SLC22A11: variants seen among roughly 807,000 people sequenced by gnomAD.
The protein encoded by SLC22A11 is organic anion transporter 4.
SLC22A11 carries 42 observed loss-of-function variants against 49.4 expected under a neutral mutation model. The ratio of observed to expected loss-of-function variants is 0.85; its 90% CI spans 0.66 to 1.10. The LOEUF (loss-of-function observed/expected upper bound fraction) is 1.10, where lower values mean the gene tolerates loss of function less well. SLC22A11 is among the 50% of genes least tolerant of loss of function. The pLI is 0.00. For synonymous variants in SLC22A11, 304 were observed against 315.8 expected (o/e 0.96, Z 0.40); for missense variants, 685 against 731.6 (o/e 0.94, Z 0.74).
At position 64,562,114 on chromosome 11, in the gene SLC22A11, C is replaced by A. The variant is rs2038555169; in HGVS notation, c.608C>A (p.Ala203Asp). The change falls in exon 3 of 10, where the codon GCC (alanine) becomes GAC (aspartate). Residue 203 changes from alanine to aspartate, a missense_variant. Ala to Asp is a moderately radical substitution (Grantham distance 126). Transcript: ENST00000301891. This position sits in a 1 kb window ranked among gnomAD's most constrained non-coding sequence, Gnocchi z 4.4. ...FVIYCGLRFVAAFGMAGIFLS... is the reference protein window; with the variant it reads ...FVIYCGLRFVDAFGMAGIFLS... Reference sequence around the variant, plus strand: ...ATCTACTGCGGCCTGCGGTTCGTGGCCGCTTTTGGGATGGCCGGCATCTTT... The same window carrying A: ...ATCTACTGCGGCCTGCGGTTCGTGGACGCTTTTGGGATGGCCGGCATCTTT... 6.2e-7 allele frequency: 1 copy of A among 1,613,772 alleles called. No homozygotes were observed.
At position 64,565,557 on chromosome 11, in the gene SLC22A11, C is replaced by A; in HGVS notation, c.1058+220C>A. ...GGTGGGATCTGGAGGCTGCCATCTG[C>A]AGGAAGCCAGAGGAAAAGGCAGCTC... On this transcript the variant is annotated intron_variant, in intron 6 of 9. Transcript: ENST00000301891. The surrounding 1 kb of genome is among the most constrained non-coding windows in gnomAD (Gnocchi z 4.1). 1.6e-6 allele frequency: 1 copy of A among 624,636 alleles called. No individual in the cohort carries two copies. The highest frequency in any genetic ancestry group is 3.0e-6 in the Non-Finnish European group (1 of 335,688). 38.7% of individuals were successfully genotyped at this position (624,636 alleles called of 1,614,324 possible). A position where few individuals can be genotyped will look rare whatever the true frequency, so the allele number is the denominator to read the frequency against.
intron 2 of SLC22A11, among the ~76,000 whole-genome samples, chr11:64,561,058 G>A (rs562051978): frequency 2.0e-5 from 3 of 152,214 alleles, no homozygotes; most frequent in South Asian, 2.1e-4. Flanking sequence ...AGACAGGTGC[G>A]GCCAAGGTCT....
intron 1 of SLC22A11, among the ~76,000 whole-genome samples, 187 bp downstream of exon 1, chr11:64,556,579 C>T (rs924207519): frequency 2.0e-5 from 3 of 152,204 alleles, no homozygotes; most frequent in Non-Finnish European, 4.4e-5. Flanking sequence ...CCAGCCCAGG[C>T]TCCTGGTAGT....
chr11:64,557,396 C>G (rs147313518), intron 1 of SLC22A11, among the ~76,000 whole-genome samples: 3,634 of 152,250 alleles, frequency 0.024, 85 homozygotes, highest in Non-Finnish European at 0.035. Flanking sequence ...CGGCAGCCTC[C>G]TTCAGGCAGA....
intron 1 of SLC22A11, 94 bp downstream of exon 1, chr11:64,556,486 G>A: frequency 1.3e-6 from 2 of 1,519,286 alleles, no homozygotes; most frequent in Non-Finnish European, 1.8e-6. Context: ...GTCCTGGGAG[G>A]GACCCGCCTC....
Position 64,565,301 on chromosome 11 carries a change from T to G in SLC22A11, c.1022T>G (p.Val341Gly). ...GTGCTGGACCTGTTCTGCGTGCCCGTGCTCCGCTGGAGGAGCTGCGCCATG... is the reference window on the plus strand; with the variant it reads ...GTGCTGGACCTGTTCTGCGTGCCCGGGCTCCGCTGGAGGAGCTGCGCCATG... ...RSVLDLFCVP[V>G]LRWRSCAMLV... The change falls in exon 6 of 10, where the codon GTG (valine) becomes GGG (glycine). Residue 341 changes from valine (V) to glycine (G), a missense_variant. By Grantham distance (109) the Val-to-Gly change is moderately radical. Transcript: ENST00000301891. This position sits in a 1 kb window ranked among gnomAD's most constrained non-coding sequence, Gnocchi z 4.1. 1 of 1,550,884 alleles carries G rather than the reference T, an allele frequency of 6.4e-7. No individual in the cohort carries two copies. The highest frequency in any genetic ancestry group is 8.7e-7 in the Non-Finnish European group (1 of 1,147,512).
In SLC22A11 at chr11:64,565,919, C is replaced by T. The variant is rs957244768; in HGVS notation, c.1058+582C>T. 9 of 197,784 alleles carry T rather than the reference C, an allele frequency of 4.6e-5. No homozygotes were observed. Among genetic ancestry groups the T allele is most frequent in the South Asian group, 2.0e-4 (2 of 10,188 alleles). 12.3% of individuals were successfully genotyped at this position (197,784 alleles called of 1,614,324 possible). A position where few individuals can be genotyped will look rare whatever the true frequency, so the allele number is the denominator to read the frequency against. On this transcript the variant is annotated intron_variant, in intron 6 of 9. Transcript: ENST00000301891. The surrounding 1 kb of genome is among the most constrained non-coding windows in gnomAD (Gnocchi z 4.1). Reference sequence around the variant, plus strand: ...CGCGCGACCAGACCCTGGCCCTCCCCGGGACCCAAGGTCATCTGGGCCCAG... The same window carrying T: ...CGCGCGACCAGACCCTGGCCCTCCCTGGGACCCAAGGTCATCTGGGCCCAG...
chr11:64,568,146 C>T (rs1003774173), intron 7 of SLC22A11, among the ~76,000 whole-genome samples: 2 of 152,220 alleles, frequency 1.3e-5, no homozygotes, highest in African/African-American at 4.8e-5. Context: ...AAGCTCTGAG[C>T]GCGAGCAGCT....
rs1238559069 is a variant in SLC22A11 at position 64,569,698 on chromosome 11, A to G, written c.1429A>G (p.Met477Val). 4 of 1,614,156 alleles carry G rather than the reference A, an allele frequency of 2.5e-6. No individual in the cohort carries two copies. The highest frequency in any genetic ancestry group is 3.3e-5 in the Admixed American group (2 of 60,022). Residue 477 changes from methionine (M) to valine (V), a missense_variant, in exon 9 of 10, where the codon ATG becomes GTG. By Grantham distance (21) the Met-to-Val change is conservative. Transcript: ENST00000301891. ...ILHTVGRLGA[M>V]MGPLILMSRQ... ...GCATACAGTGGGCCGGCTGGGGGCT[A>G]TGATGGGTCCCCTGATCCTGATGAG...
In SLC22A11 at chr11:64,565,552, A is replaced by G. The variant is rs1209282628; in HGVS notation, c.1058+215A>G. Reference sequence around the variant, plus strand: ...GCACAGGTGGGATCTGGAGGCTGCCATCTGCAGGAAGCCAGAGGAAAAGGC... The same window carrying G: ...GCACAGGTGGGATCTGGAGGCTGCCGTCTGCAGGAAGCCAGAGGAAAAGGC... On this transcript the variant is annotated intron_variant, in intron 6 of 9. Coordinates refer to ENST00000301891, the MANE Select transcript of SLC22A11 (RefSeq NM_018484.4). The surrounding 1 kb of genome is among the most constrained non-coding windows in gnomAD (Gnocchi z 4.1). 3 of 631,562 alleles carry G rather than the reference A, an allele frequency of 4.8e-6. No individual in the cohort carries two copies. Among genetic ancestry groups the G allele is most frequent in the Admixed American group, 4.2e-5 (2 of 47,606 alleles). The allele number at this position is 631,562 out of a possible 1,614,324, so 39.1% of individuals were successfully genotyped here. A position where few individuals can be genotyped will look rare whatever the true frequency, so the allele number is the denominator to read the frequency against.
chr11:64,562,109 C>A lies in SLC22A11; in HGVS notation c.603C>A (p.Phe201Leu). The A allele has an allele frequency of 6.2e-7, 1 of 1,613,932 alleles. No individual in the cohort carries two copies. The highest frequency in any genetic ancestry group is 8.5e-7 in the Non-Finnish European group (1 of 1,180,030). Reference sequence around the variant, plus strand: ...TCGTCATCTACTGCGGCCTGCGGTTCGTGGCCGCTTTTGGGATGGCCGGCA... The same window carrying A: ...TCGTCATCTACTGCGGCCTGCGGTTAGTGGCCGCTTTTGGGATGGCCGGCA... ...PTFVIYCGLR[F>L]VAAFGMAGIF... Residue 201 changes from phenylalanine to leucine, a missense_variant, in exon 3 of 10, where the codon TTC (phenylalanine) becomes TTA (leucine). Phe to Leu is a conservative substitution (Grantham distance 22). Transcript: ENST00000301891. The surrounding 1 kb of genome is among the most constrained non-coding windows in gnomAD (Gnocchi z 4.4).
chr11:64,564,367 A>C lies in SLC22A11; in HGVS notation c.881A>C (p.Gln294Pro). Residue 294 changes from glutamine to proline, a missense_variant, in exon 5 of 10, where the codon CAG becomes CCG. By Grantham distance (76) the Gln-to-Pro change is moderately conservative. Coordinates refer to ENST00000301891, the MANE Select transcript of SLC22A11 (RefSeq NM_018484.4). This position sits in a 1 kb window ranked among gnomAD's most constrained non-coding sequence, Gnocchi z 4.2. ...IIKGKPDQAL[Q>P]ELRKVARING... ...AAGGGCAAACCAGACCAAGCACTTC[A>C]GGAGCTCAGAAAGGTGGCCAGGATA... is the stretch of plus-strand genomic sequence containing the variant. 1.9e-6 allele frequency: 3 copies of C among 1,614,152 alleles called. No homozygotes were observed. Among genetic ancestry groups the C allele is most frequent in the South Asian group, 2.2e-5 (2 of 91,086 alleles).
rs770430913 is a variant in SLC22A11, at chr11:64,562,249, C to T, written c.653-18C>T. 3.1e-5 allele frequency: 50 copies of T among 1,600,150 alleles called. No individual in the cohort carries two copies. In the Admixed American group the frequency reaches 4.2e-4, roughly 14 times the overall value. ...GCCGCCGCATGAGGCCTCACCTGCACGTGTCTGCATCCTTCAGTGGTGGAG... is the reference window on the plus strand; with the variant it reads ...GCCGCCGCATGAGGCCTCACCTGCATGTGTCTGCATCCTTCAGTGGTGGAG... On this transcript the variant is annotated intron_variant, in intron 3 of 9. Coordinates refer to ENST00000301891, the MANE Select transcript of SLC22A11 (RefSeq NM_018484.4). The surrounding 1 kb of genome is among the most constrained non-coding windows in gnomAD (Gnocchi z 4.4).
At chr11:64,566,378 A>G (rs1216554228) in intron 6 of SLC22A11, 1 of 152,074 alleles carries the variant, frequency 6.6e-6, no homozygotes, top group East Asian at 1.9e-4. Flanking sequence ...TACTTGCTAC[A>G]TCTTAGAACA....
chr11:64,571,935 G>T lies in SLC22A11; in HGVS notation c.*893G>T, dbSNP rs935891806. 1 of 152,302 alleles carries T rather than the reference G, an allele frequency of 6.6e-6. No homozygotes were observed. Among genetic ancestry groups the T allele is most frequent in the Non-Finnish European group, 1.5e-5 (1 of 68,074 alleles). The allele number at this position is 152,302 out of a possible 1,614,324, so 9.4% of individuals were successfully genotyped here. ...TTCTGCGGGAAGGTGTAATCAGCTTGTTTCATCATGCTGCAGGCTGGCGAG... is the reference window on the plus strand; with the variant it reads ...TTCTGCGGGAAGGTGTAATCAGCTTTTTTCATCATGCTGCAGGCTGGCGAG... On this transcript the variant is annotated 3_prime_UTR_variant, in exon 10 of 10. Transcript: ENST00000301891.
chr11:64,562,230 G>A lies in SLC22A11; in HGVS notation c.653-37G>A, dbSNP rs375264929. 1.2e-4 allele frequency: 199 copies of A among 1,599,492 alleles called. No individual in the cohort carries two copies. Among genetic ancestry groups the A allele is most frequent in the East Asian group, 1.8e-4 (8 of 44,556 alleles). On this transcript the variant is annotated intron_variant, in intron 3 of 9. Coordinates refer to ENST00000301891, the MANE Select transcript of SLC22A11 (RefSeq NM_018484.4). The surrounding 1 kb of genome is among the most constrained non-coding windows in gnomAD (Gnocchi z 4.4). ...AGGAGAGAATGGGGCTCAGGCCGCC[G>A]CATGAGGCCTCACCTGCACGTGTCT...
intron 6 of SLC22A11, 80 bp from the exon 7 acceptor site, chr11:64,567,519 C>T (rs1591376524): frequency 1.5e-6 from 2 of 1,363,000 alleles, no homozygotes; most frequent in East Asian, 4.6e-5. Flanking sequence ...TCCCAGGCAG[C>T]TCCTGGTGGG....
In SLC22A11 at chr11:64,564,575, A is replaced by T; in HGVS notation, c.942+147A>T. The T allele has an allele frequency of 1.1e-6, 1 of 908,134 alleles. No homozygotes were observed. Among genetic ancestry groups the T allele is most frequent in the Non-Finnish European group, 1.7e-6 (1 of 600,426 alleles). 56.3% of individuals were successfully genotyped at this position (908,134 alleles called of 1,614,324 possible). ...CTCCACAGACACCACCAACACCTCC[A>T]TCACCACCTCCACACAGACACCACC... is the stretch of plus-strand genomic sequence containing the variant. On this transcript the variant is annotated intron_variant, in intron 5 of 9. Coordinates refer to ENST00000301891, the MANE Select transcript of SLC22A11 (RefSeq NM_018484.4). The surrounding 1 kb of genome is among the most constrained non-coding windows in gnomAD (Gnocchi z 4.2).
Position 64,565,856 on chromosome 11 carries a change from C to A in SLC22A11, c.1058+519C>A. The A allele has an allele frequency of 3.8e-6, 1 of 260,138 alleles. No individual in the cohort carries two copies. The highest frequency in any genetic ancestry group is 7.8e-6 in the Non-Finnish European group (1 of 128,584). The allele number at this position is 260,138 out of a possible 1,614,324, so 16.1% of individuals were successfully genotyped here. Reference sequence around the variant, plus strand: ...GAGCCTGCATTGGAACCGGGCTGAGCTAACACTTGGCTTACCGGCACTGTC... The same window carrying A: ...GAGCCTGCATTGGAACCGGGCTGAGATAACACTTGGCTTACCGGCACTGTC... On this transcript the variant is annotated intron_variant, in intron 6 of 9. Coordinates refer to ENST00000301891, the MANE Select transcript of SLC22A11 (RefSeq NM_018484.4). This position sits in a 1 kb window ranked among gnomAD's most constrained non-coding sequence, Gnocchi z 4.1.
Sources: gnomAD v4.1 joint callset for allele counts (sites outside exome capture counted in the v4.1 genomes callset) on GRCh38, gnomAD v4.1.1 for gene constraint, Gnocchi (gnomAD v3.1) non-coding constraint, MANE v1.5 for transcripts, NCBI Gene and HGNC (gene_info 2026-07-23, HGNC 2026-07-21) for gene names.